Variants in CDH13 observed in about 807,000 individuals in gnomAD.
The protein encoded by CDH13 is cadherin 13, also known as cadherin-13.
CDH13 carries 24 observed loss-of-function variants against 63.8 expected under a neutral mutation model. That is an observed-to-expected ratio of 0.38 (90% CI 0.27 to 0.53). The LOEUF (loss-of-function observed/expected upper bound fraction) is 0.53. Among genes scored for constraint, CDH13 ranks in the 20% least tolerant of loss-of-function variants. CDH13 has a pLI of 0.85. For synonymous variants in CDH13, 503 were observed against 355.3 expected (o/e 1.42, Z -4.67); for missense variants, 1,049 against 903.1 (o/e 1.16, Z -2.07).
chr16:83,541,077 C>T (rs1448856129), intron 7 of CDH13, among the ~76,000 whole-genome samples: 2 of 152,032 alleles, frequency 1.3e-5, no homozygotes, highest in Non-Finnish European at 2.9e-5. Context: ...CCGCTCAATC[C>T]CCAGGTCATA....
At chr16:83,223,133 G>A (rs1011512930) in intron 5 of CDH13, among the ~76,000 whole-genome samples, 10 of 152,094 alleles carry the variant, frequency 6.6e-5, no homozygotes, top group African/African-American at 1.7e-4. Context: ...ACAAAATATC[G>A]GAGCCTGGGT....
chr16:82,719,715 G>A (rs576102177), intron 1 of CDH13, among the ~76,000 whole-genome samples: 18 of 151,974 alleles, frequency 1.2e-4, no homozygotes, highest in Non-Finnish European at 2.1e-4. Context: ...GTGTGGTGGT[G>A]GGTGTCTATA....
chr16:83,035,402 C>T (rs966684353), intron 3 of CDH13, among the ~76,000 whole-genome samples: 1 of 152,170 alleles, frequency 6.6e-6, no homozygotes, highest in Non-Finnish European at 1.5e-5. Context: ...AAGCACCAAC[C>T]ATGTGCCAGG....
intron 1 of CDH13, among the ~76,000 whole-genome samples, chr16:82,834,027 TA>T (rs2038658984): frequency 6.6e-6 from 1 of 152,242 alleles, no homozygotes. Context: ...TCATTTTTAA[TA>T]AATAATAATT....
At chr16:82,953,298 G>A (rs1056921314) in intron 2 of CDH13, 5 of 152,050 alleles carry the variant, frequency 3.3e-5, no homozygotes, top group Non-Finnish European at 5.9e-5. Context: ...GGCCATAAAG[G>A]TTTTATTGCT....
At chr16:83,489,390 G>T (rs1302815551) in intron 7 of CDH13, among the ~76,000 whole-genome samples, 2 of 152,162 alleles carry the variant, frequency 1.3e-5, no homozygotes, top group Non-Finnish European at 2.9e-5. Flanking sequence ...CAATGAAAAT[G>T]AATAAAGAGT....
intron 1 of CDH13, among the ~76,000 whole-genome samples, chr16:82,739,096 G>A (rs2033816005): frequency 6.6e-6 from 1 of 152,180 alleles, no homozygotes. Flanking sequence ...TTATGATTGA[G>A]ATCTCATAGT....
At chr16:83,325,488 C>A (rs750467736) in intron 5 of CDH13, among the ~76,000 whole-genome samples, 1 of 152,140 alleles carries the variant, frequency 6.6e-6, no homozygotes. Flanking sequence ...TTAGGCCTTG[C>A]GAGTCATGCA....
chr16:82,997,644 G>A (rs1003031295), intron 2 of CDH13, among the ~76,000 whole-genome samples: 1 of 152,048 alleles, frequency 6.6e-6, no homozygotes, highest in Admixed American at 6.6e-5. Flanking sequence ...TCTTATCCCT[G>A]TTCTATAGGT....
chr16:83,235,624 C>T (rs1267301065), intron 5 of CDH13, among the ~76,000 whole-genome samples: 13 of 133,822 alleles, frequency 9.7e-5, no homozygotes, highest in African/African-American at 3.6e-4. Flanking sequence ...AATTCTATTT[C>T]CTTACTCCTG....
At chr16:83,557,181 G>C (rs951405400) in intron 7 of CDH13, among the ~76,000 whole-genome samples, 1 of 152,162 alleles carries the variant, frequency 6.6e-6, no homozygotes, top group African/African-American at 2.4e-5. Flanking sequence ...TTGTACGCTA[G>C]TTATGAGAAT....
intron 7 of CDH13, among the ~76,000 whole-genome samples, chr16:83,513,910 GA>G (rs1214487269): frequency 6.6e-6 from 1 of 152,098 alleles, no homozygotes; most frequent in Non-Finnish European, 1.5e-5. Flanking sequence ...AAAAATTATA[GA>G]GAATGAAGGA....
At chr16:82,906,460 A>G (rs570012952) in intron 2 of CDH13, among the ~76,000 whole-genome samples, 55 of 152,292 alleles carry the variant, frequency 3.6e-4, no homozygotes, top group African/African-American at 1.3e-3. Context: ...TCTTACTTCC[A>G]TGTCCTAAAA....
At chr16:83,789,351 G>GTTT (rs1232646448) in intron 13 of CDH13, among the ~76,000 whole-genome samples, 3 of 137,912 alleles carry the variant, frequency 2.2e-5, no homozygotes, top group African/African-American at 8.4e-5. Context: ...TTTTTTGTTT[G>GTTT]TCTGTTTTGT....
At chr16:83,565,429 T>C (rs959809250) in intron 7 of CDH13, among the ~76,000 whole-genome samples, 29 of 147,556 alleles carry the variant, frequency 2.0e-4, no homozygotes, top group African/African-American at 7.1e-4. Flanking sequence ...GAAGGACTGA[T>C]TACCGAGTCT....
At chr16:82,741,590 C>T (rs2033936378) in intron 1 of CDH13, among the ~76,000 whole-genome samples, 1 of 152,112 alleles carries the variant, frequency 6.6e-6, no homozygotes, top group Non-Finnish European at 1.5e-5. Flanking sequence ...ATCTCCATGC[C>T]TGTAACATGG....
At chr16:83,362,194 C>T (rs769695046) in intron 6 of CDH13, among the ~76,000 whole-genome samples, 2 of 152,186 alleles carry the variant, frequency 1.3e-5, no homozygotes, top group African/African-American at 4.8e-5. Context: ...CAGGAGCCCA[C>T]CAGTGATTCA....
chr16:83,525,318 C>T (rs962210583), intron 7 of CDH13, among the ~76,000 whole-genome samples: 5 of 152,204 alleles, frequency 3.3e-5, no homozygotes, highest in African/African-American at 1.2e-4. Flanking sequence ...TGCACACTGA[C>T]TTATTTAACC....
chr16:83,599,308 C>T (rs1567795692), intron 7 of CDH13, among the ~76,000 whole-genome samples: 2 of 152,220 alleles, frequency 1.3e-5, no homozygotes, highest in Non-Finnish European at 2.9e-5. Context: ...TCCCAATTTG[C>T]TTCACCGCGC....
Sources: allele counts gnomAD v4.1 joint callset (sites outside exome capture counted in the v4.1 genomes callset), GRCh38; gene constraint gnomAD v4.1.1; transcripts MANE v1.5; gene names NCBI Gene and HGNC (gene_info 2026-07-23, HGNC 2026-07-21).